The following LNX1 variants were observed in gnomAD, a reference collection of about 807,000 sequenced individuals.
LNX1 encodes the protein ligand of numb-protein X 1, also known as E3 ubiquitin-protein ligase LNX.
Under a neutral mutation model 68.4 loss-of-function variants are expected in LNX1, and 54 were observed. The ratio of observed to expected loss-of-function variants is 0.79; its 90% confidence interval spans 0.63 to 0.99. The LOEUF (loss-of-function observed/expected upper bound fraction) is 0.99, where lower values mean the gene tolerates loss of function less well. LNX1 is among the 50% of genes least tolerant of loss of function. The pLI, the probability that LNX1 is intolerant of heterozygous loss-of-function variation, is 0.00. For missense variants in LNX1, 906 were observed against 926.4 expected (o/e 0.98, Z 0.29); for synonymous variants, 336 against 350.0 (o/e 0.96, Z 0.45).
At chr4:53,645,325 G>T (rs1734846176) in intron 1 of LNX1, among the ~76,000 whole-genome samples, 1 of 152,150 alleles carries the variant, frequency 6.6e-6, no homozygotes, top group African/African-American at 2.4e-5. Context: ...CCTGGAGTTT[G>T]GCAGAGCCCT....
chr4:53,620,938 G>A (rs1342460323), upstream of LNX1, among the ~76,000 whole-genome samples: 4 of 152,070 alleles, frequency 2.6e-5, no homozygotes, highest in Admixed American at 2.0e-4. Flanking sequence ...AGCCAATATC[G>A]GTTTAAAGAA....
chr4:53,475,853 C>A (rs1354657490), intron 9 of LNX1, among the ~76,000 whole-genome samples: 1 of 152,204 alleles, frequency 6.6e-6, no homozygotes, highest in African/African-American at 2.4e-5. Context: ...GACAACCCAG[C>A]TACTTCCTGA....
chr4:53,626,386 A>G (rs1422654372), intron 1 of LNX1, among the ~76,000 whole-genome samples: 1 of 152,226 alleles, frequency 6.6e-6, no homozygotes, highest in Non-Finnish European at 1.5e-5. Flanking sequence ...TTAAAAGGGT[A>G]AATTTTAGGT....
rs972766397 is a variant in LNX1 at position 53,533,466 on chromosome 4, T to G, written c.381-25239A>C. Among the ~76,000 whole-genome samples the G allele has an allele frequency of 1.6e-4, 25 of 152,204 alleles. 2 individuals are homozygous for G. Among genetic ancestry groups the G allele is most frequent in the Admixed American group, 1.4e-3 (21 of 15,286 alleles). On this transcript the variant is annotated intron_variant, in intron 2 of 10. Coordinates refer to ENST00000263925, the MANE Select transcript of LNX1 (RefSeq NM_001126328.3). ...CAGGCTGGAGTGCAGCGGTGCGTTC[T>G]CAGCTCACCGCAACTTTTGCCTCCC...
At chr4:53,511,238 T>C (rs1726311189) in intron 2 of LNX1, among the ~76,000 whole-genome samples, 1 of 152,236 alleles carries the variant, frequency 6.6e-6, no homozygotes, top group Non-Finnish European at 1.5e-5. Context: ...GACAGAGTGA[T>C]CTATGAAGGT....
intron 2 of LNX1, chr4:53,539,387 A>G (rs1728594729): frequency 2.4e-5 from 1 of 42,484 alleles, no homozygotes; most frequent in Non-Finnish European, 5.9e-5. Flanking sequence ...AATTTTTGAG[A>G]CCTGTCTCAC....
intron 1 of LNX1, among the ~76,000 whole-genome samples, chr4:53,641,329 C>T (rs1577824682): frequency 6.6e-6 from 1 of 152,356 alleles, no homozygotes; most frequent in East Asian, 1.9e-4. Flanking sequence ...AAGAGGCGCT[C>T]TTCAGAGAAA....
At chr4:53,545,802 A>ATTTT (rs71197029) in intron 2 of LNX1, among the ~76,000 whole-genome samples, 1 of 111,608 alleles carries the variant, frequency 9.0e-6, no homozygotes, top group South Asian at 3.1e-4. Flanking sequence ...CAGAGGCCAC[A>ATTTT]TTTTTTTTTT....
At chr4:53,555,028 T>G (rs954907166) in intron 2 of LNX1, among the ~76,000 whole-genome samples, 1 of 152,028 alleles carries the variant, frequency 6.6e-6, no homozygotes, top group East Asian at 1.9e-4. Context: ...GGAGGGTCTG[T>G]GCATCTGGAA....
Position 53,642,724 on chromosome 4 carries a change from C to T in LNX1, c.-215+9444G>A, listed in dbSNP as rs192048766. Reference sequence around the variant, plus strand: ...CTACTCACCAAAATCAGCAAGCCTGCGGGGTCTGAGGTTTCCTTTGGGTTG... The same window carrying T: ...CTACTCACCAAAATCAGCAAGCCTGTGGGGTCTGAGGTTTCCTTTGGGTTG... On this transcript the variant is annotated intron_variant, in intron 1 of 2. Coordinates refer to the LNX1 transcript ENST00000507168. 1.9e-3 allele frequency among the ~76,000 whole-genome samples: 283 copies of T among 152,242 alleles called. 3 individuals are homozygous for T. The highest frequency in any genetic ancestry group is 6.9e-3 in the South Asian group (33 of 4,816).
intron 6 of LNX1, among the ~76,000 whole-genome samples, chr4:53,488,315 C>T (rs532886529): frequency 7.9e-4 from 120 of 152,368 alleles, no homozygotes; most frequent in Middle Eastern, 6.8e-3. Flanking sequence ...AGTAGGGCAA[C>T]CCCACATCAA....
chr4:53,538,337 A>T (rs1374770710), intron 2 of LNX1, among the ~76,000 whole-genome samples: 1 of 152,168 alleles, frequency 6.6e-6, no homozygotes, highest in African/African-American at 2.4e-5. Context: ...CCATAGAAAA[A>T]TACCTTCTGG....
At chr4:53,576,411 C>T in intron 1 of LNX1, 1 of 1,521,724 alleles carries the variant, frequency 6.6e-7, no homozygotes, top group Admixed American at 2.1e-5. Context: ...CAGTCCTATT[C>T]AGGTCAGGCT....
intron 1 of LNX1, among the ~76,000 whole-genome samples, chr4:53,641,542 C>A (rs1734681917): frequency 6.6e-6 from 1 of 152,244 alleles, no homozygotes; most frequent in Non-Finnish European, 1.5e-5. Context: ...CCCCACCCCA[C>A]AATACCCAGG....
At chr4:53,504,339 C>T (rs1297155923) in intron 4 of LNX1, among the ~76,000 whole-genome samples, 1 of 152,240 alleles carries the variant, frequency 6.6e-6, no homozygotes, top group African/African-American at 2.4e-5. Flanking sequence ...ACCTCATGAA[C>T]CAATCTCTGC....
At chr4:53,477,081 G>A in intron 8 of LNX1, 100 bp from the exon 9 acceptor site, 1 of 985,260 alleles carries the variant, frequency 1.0e-6, no homozygotes, top group Admixed American at 1.8e-5. Context: ...TTGCAGGGAT[G>A]CAGAGAGGGC....
intron 1 of LNX1, among the ~76,000 whole-genome samples, chr4:53,585,001 G>T (rs1560681654): frequency 6.6e-6 from 1 of 152,124 alleles, no homozygotes; most frequent in African/African-American, 2.4e-5. Context: ...TCTTCCAATT[G>T]TCTTCCTGGG....
At chr4:53,630,079 T>C (rs552007110) in intron 1 of LNX1, among the ~76,000 whole-genome samples, 2 of 151,958 alleles carry the variant, frequency 1.3e-5, no homozygotes, top group African/African-American at 4.8e-5. Flanking sequence ...AATAGTTTCT[T>C]CATTAAAAAA....
intron 2 of LNX1, among the ~76,000 whole-genome samples, chr4:53,509,814 G>A (rs1726194569): frequency 6.6e-6 from 1 of 152,170 alleles, no homozygotes; most frequent in Non-Finnish European, 1.5e-5. Context: ...TTGCCAGGTG[G>A]CAGTCATGAT....
Sources: gnomAD v4.1 joint callset for allele counts (sites outside exome capture counted in the v4.1 genomes callset) on GRCh38, gnomAD v4.1.1 for gene constraint, MANE v1.5 for transcripts, NCBI Gene and HGNC (gene_info 2026-07-23, HGNC 2026-07-21) for gene names.